Variants in AMPH observed in about 807,000 individuals in gnomAD.
AMPH encodes the protein amphiphysin (Stiff-Mann syndrome with breast cancer 128kD autoantigen).
A neutral mutation model predicts 99.1 loss-of-function variants in AMPH; 49 were observed. The observed-to-expected ratio is 0.49, with a 90% CI of 0.39 to 0.63. The LOEUF (loss-of-function observed/expected upper bound fraction) is 0.63, where lower values mean the gene tolerates loss of function less well. AMPH is among the 20% of genes least tolerant of loss of function. The probability of loss-of-function intolerance (pLI) is 0.00; values close to 1 mark genes in which losing one functional copy is unlikely to be tolerated. For synonymous variants in AMPH, 314 were observed against 317.3 expected, an observed-to-expected ratio of 0.99 and a Z score of 0.11; for missense variants, 759 against 863.4, an observed-to-expected ratio of 0.88 and a Z score of 1.52.
intron 20 of AMPH, 149 bp from the exon 21 acceptor site, chr7:38,385,074 A>G: frequency 1.6e-6 from 1 of 614,890 alleles, no homozygotes; most frequent in African/African-American, 1.8e-5. Flanking sequence ...GATCAATGGG[A>G]AGGCCTATCC....
At chr7:38,553,672 T>C (rs1421665856) in intron 1 of AMPH, among the ~76,000 whole-genome samples, 2 of 152,216 alleles carry the variant, frequency 1.3e-5, no homozygotes. Flanking sequence ...TCCTGAGCTT[T>C]CATTACACTT....
chr7:38,466,143 C>T (rs770305605), intron 8 of AMPH, 30 bp downstream of exon 8: 1 of 1,557,128 alleles, frequency 6.4e-7, no homozygotes, highest in Non-Finnish European at 8.8e-7. Flanking sequence ...ACTTTATATT[C>T]CATATGCAAA....
At chr7:38,405,999 C>T (rs1296121799) in intron 17 of AMPH, among the ~76,000 whole-genome samples, 1 of 152,090 alleles carries the variant, frequency 6.6e-6, no homozygotes, top group Non-Finnish European at 1.5e-5. Flanking sequence ...AATTCAAAGT[C>T]CTGAAATCAT....
At chr7:38,555,194 C>A (rs2129047140) in intron 1 of AMPH, among the ~76,000 whole-genome samples, 1 of 151,516 alleles carries the variant, frequency 6.6e-6, no homozygotes, top group Middle Eastern at 3.4e-3. Context: ...CACTTGAGGC[C>A]AGGTATTCAA....
chr7:38,455,690 T>A (rs574444584), intron 11 of AMPH, among the ~76,000 whole-genome samples: 7 of 152,316 alleles, frequency 4.6e-5, no homozygotes, highest in Admixed American at 2.6e-4. Flanking sequence ...TCAACTGATA[T>A]GGGCTTCAAG....
intron 13 of AMPH, among the ~76,000 whole-genome samples, chr7:38,430,637 C>G (rs1785976980): frequency 6.6e-6 from 1 of 152,154 alleles, no homozygotes; most frequent in Non-Finnish European, 1.5e-5. Flanking sequence ...CAAAAAATAG[C>G]ATTGTCTTTT....
intron 11 of AMPH, among the ~76,000 whole-genome samples, chr7:38,451,381 C>T (rs1787022065): frequency 6.7e-6 from 1 of 150,066 alleles, no homozygotes; most frequent in African/African-American, 2.4e-5. Flanking sequence ...TGTATATACA[C>T]ATGTATATAT....
At chr7:38,510,359 C>T (rs1789491614) in intron 2 of AMPH, among the ~76,000 whole-genome samples, 2 of 152,108 alleles carry the variant, frequency 1.3e-5, no homozygotes, top group Non-Finnish European at 2.9e-5. Context: ...CCCTATGTCC[C>T]AAAACAGTCA....
intron 3 of AMPH, among the ~76,000 whole-genome samples, chr7:38,501,568 G>T (rs957453364): frequency 6.6e-6 from 1 of 152,064 alleles, no homozygotes; most frequent in African/African-American, 2.4e-5. Flanking sequence ...AAAATGATAT[G>T]CCTGGACTAT....
intron 1 of AMPH, among the ~76,000 whole-genome samples, chr7:38,543,897 A>T (rs1790902611): frequency 6.6e-6 from 1 of 152,212 alleles, no homozygotes; most frequent in South Asian, 2.1e-4. Flanking sequence ...TGTTAAAGAA[A>T]AAAAGGAAGA....
At chr7:38,395,845 C>A (rs1784652715) in intron 17 of AMPH, among the ~76,000 whole-genome samples, 1 of 151,174 alleles carries the variant, frequency 6.6e-6, no homozygotes, top group Non-Finnish European at 1.5e-5. Flanking sequence ...ATGAACCACA[C>A]ATCTACACTT....
chr7:38,487,465 G>T (rs978857882), intron 5 of AMPH, among the ~76,000 whole-genome samples: 1 of 152,114 alleles, frequency 6.6e-6, no homozygotes, highest in Non-Finnish European at 1.5e-5. Flanking sequence ...AAACTGGCTA[G>T]CTATATGCAG....
At chr7:38,514,890 A>G (rs1789679615) in intron 2 of AMPH, among the ~76,000 whole-genome samples, 2 of 152,206 alleles carry the variant, frequency 1.3e-5, no homozygotes, top group Non-Finnish European at 2.9e-5. Flanking sequence ...AAAATGCAGA[A>G]GAAGCTTTAG....
At chr7:38,598,688 C>T (rs764184434) in intron 1 of AMPH, among the ~76,000 whole-genome samples, 1 of 152,036 alleles carries the variant, frequency 6.6e-6, no homozygotes, top group Admixed American at 6.6e-5. Flanking sequence ...TTTCTAATTC[C>T]GTATTTTCTT....
At chr7:38,400,767 C>A (rs1784819038) in intron 17 of AMPH, among the ~76,000 whole-genome samples, 1 of 152,192 alleles carries the variant, frequency 6.6e-6, no homozygotes, top group Non-Finnish European at 1.5e-5. Context: ...TTAGCTCTGA[C>A]CAATGCCTGA....
chr7:38,538,851 G>A (rs1182992131), intron 1 of AMPH, among the ~76,000 whole-genome samples: 1 of 152,144 alleles, frequency 6.6e-6, no homozygotes, highest in Non-Finnish European at 1.5e-5. Flanking sequence ...ACATCATTTT[G>A]GACATGCAGG....
intron 16 of AMPH, among the ~76,000 whole-genome samples, chr7:38,418,278 C>A (rs1785458156): frequency 6.6e-6 from 1 of 151,888 alleles, no homozygotes; most frequent in Non-Finnish European, 1.5e-5. Flanking sequence ...ATAAGAGGTT[C>A]TGCTATTTTC....
At chr7:38,418,117 A>T in intron 16 of AMPH, 167 bp from the exon 17 acceptor site, 1 of 604,722 alleles carries the variant, frequency 1.7e-6, no homozygotes, top group Non-Finnish European at 2.7e-6. Flanking sequence ...GCTTTTAGAG[A>T]ATGGAAAAGA....
At chr7:38,484,891 G>A (rs190276014) in intron 5 of AMPH, among the ~76,000 whole-genome samples, 14 of 151,968 alleles carry the variant, frequency 9.2e-5, no homozygotes, top group Non-Finnish European at 1.9e-4. Flanking sequence ...GGTGATTGAT[G>A]TTAATTTAGT....
Sources: gnomAD v4.1 joint callset for allele counts (sites outside exome capture counted in the v4.1 genomes callset) on GRCh38, gnomAD v4.1.1 for gene constraint, MANE v1.5 for transcripts, NCBI Gene and HGNC (gene_info 2026-07-23, HGNC 2026-07-21) for gene names.